The following NXPH1 variants were observed in gnomAD, a reference collection of about 807,000 sequenced individuals.
The protein encoded by NXPH1 is neurexophilin-1.
NXPH1 carries 5 observed loss-of-function variants against 23.7 expected under a neutral mutation model. The ratio of observed to expected loss-of-function variants is 0.21; its 90% CI spans 0.11 to 0.44. The LOEUF (loss-of-function observed/expected upper bound fraction) is 0.44. NXPH1 is among the 20% of genes least tolerant of loss of function. NXPH1 has a pLI of 0.99. For missense variants in NXPH1, 324 were observed against 321.6 expected (o/e 1.01, Z -0.06); for synonymous variants, 144 against 122.2 (o/e 1.18, Z -1.18).
chr7:8,703,219 C>T (rs556820161), intron 2 of NXPH1, among the ~76,000 whole-genome samples: 2 of 152,160 alleles, frequency 1.3e-5, no homozygotes, highest in Non-Finnish European at 2.9e-5. Context: ...AGTCCCAGCC[C>T]CTCCTGTGAA....
At chr7:8,461,176 C>T (rs1448816664) in intron 2 of NXPH1, among the ~76,000 whole-genome samples, 2 of 152,166 alleles carry the variant, frequency 1.3e-5, no homozygotes, top group African/African-American at 4.8e-5. Context: ...GAACCATGCC[C>T]CCTTGCATTC....
intron 2 of NXPH1, among the ~76,000 whole-genome samples, chr7:8,490,321 C>T (rs1817228086): frequency 6.6e-6 from 1 of 151,580 alleles, no homozygotes; most frequent in African/African-American, 2.4e-5. Context: ...AATTACTAGA[C>T]TAACTTAAAT....
intron 2 of NXPH1, among the ~76,000 whole-genome samples, chr7:8,727,037 G>A (rs1193940930): frequency 6.9e-6 from 1 of 145,808 alleles, no homozygotes; most frequent in Non-Finnish European, 1.5e-5. Flanking sequence ...TCTAACTGGT[G>A]TGAGATGGTA....
intron 2 of NXPH1, among the ~76,000 whole-genome samples, chr7:8,617,142 A>G (rs1328943341): frequency 6.6e-6 from 1 of 152,040 alleles, no homozygotes; most frequent in Admixed American, 6.6e-5. Context: ...GGATGCTGGA[A>G]ACCATCCTAC....
At chr7:8,717,861 C>T (rs958592352) in intron 2 of NXPH1, among the ~76,000 whole-genome samples, 10 of 149,576 alleles carry the variant, frequency 6.7e-5, no homozygotes, top group African/African-American at 2.5e-4. Flanking sequence ...AAAATAAAAA[C>T]TGGATCATGT....
At chr7:8,504,592 A>T (rs534065514) in intron 2 of NXPH1, among the ~76,000 whole-genome samples, 1 of 152,066 alleles carries the variant, frequency 6.6e-6, no homozygotes, top group African/African-American at 2.4e-5. Flanking sequence ...TAGTAAATGA[A>T]TGGAGAACAA....
intron 2 of NXPH1, among the ~76,000 whole-genome samples, chr7:8,617,935 C>T (rs570686253): frequency 3.3e-4 from 50 of 152,056 alleles, no homozygotes; most frequent in African/African-American, 1.1e-3. Context: ...TATGTACCCA[C>T]GACAATTAAA....
At chr7:8,577,362 T>A (rs1818774513) in intron 2 of NXPH1, among the ~76,000 whole-genome samples, 1 of 152,196 alleles carries the variant, frequency 6.6e-6, no homozygotes, top group Non-Finnish European at 1.5e-5. Flanking sequence ...TCTCCCACTA[T>A]CACTAACCTT....
intron 2 of NXPH1, among the ~76,000 whole-genome samples, chr7:8,732,231 G>A (rs896011008): frequency 1.3e-5 from 2 of 152,134 alleles, no homozygotes; most frequent in African/African-American, 4.8e-5. Flanking sequence ...ACTGACTTGC[G>A]CCCAGTGTCT....
intron 2 of NXPH1, among the ~76,000 whole-genome samples, chr7:8,637,153 T>G (rs190777232): frequency 6.6e-6 from 1 of 152,282 alleles, no homozygotes; most frequent in East Asian, 1.9e-4. Flanking sequence ...CCTTTGTCTT[T>G]TGTACAACTG....
chr7:8,485,916 G>A (rs2128610481), intron 2 of NXPH1, among the ~76,000 whole-genome samples: 1 of 152,170 alleles, frequency 6.6e-6, no homozygotes, highest in South Asian at 2.1e-4. Context: ...AACCATTTGT[G>A]GGTTAAACTT....
chr7:8,585,857 C>T (rs1222188107), intron 2 of NXPH1, among the ~76,000 whole-genome samples: 7 of 152,096 alleles, frequency 4.6e-5, no homozygotes, highest in Non-Finnish European at 7.4e-5. Context: ...ACATTTTTAT[C>T]GGGAGGGCTT....
At chr7:8,496,996 C>T (rs139305352) in intron 2 of NXPH1, among the ~76,000 whole-genome samples, 1,702 of 152,084 alleles carry the variant, frequency 0.011, 25 homozygotes, top group African/African-American at 0.038. Flanking sequence ...TTAGGTATAT[C>T]TCCTAATGCT....
chr7:8,474,091 A>G (rs1294983149), intron 2 of NXPH1, among the ~76,000 whole-genome samples: 2 of 152,174 alleles, frequency 1.3e-5, no homozygotes, highest in Non-Finnish European at 2.9e-5. Flanking sequence ...TAACAGCAAA[A>G]TATAACCTCG....
chr7:8,477,866 C>T (rs961210207), intron 2 of NXPH1, among the ~76,000 whole-genome samples: 1 of 152,068 alleles, frequency 6.6e-6, no homozygotes, highest in African/African-American at 2.4e-5. Context: ...GCTGATTGTC[C>T]AGGGACTTTA....
rs117660744 is a variant in NXPH1, at chr7:8,618,433, T to C, written c.55-132575T>C. Among the ~76,000 whole-genome samples the C allele has an allele frequency of 7.8e-3, 1,182 of 152,302 alleles. 13 individuals carry two copies. The highest frequency in any genetic ancestry group is 0.044 in the Middle Eastern group (13 of 294). On this transcript the variant is annotated intron_variant, in intron 2 of 2. Coordinates refer to ENST00000405863, the MANE Select transcript of NXPH1 (RefSeq NM_152745.3). The stretch of plus-strand genomic sequence containing the variant: ...CTGTGCTAAGAAAATCTTGGATGTT[T>C]AGCCAATGAGCGTAAAGGTAATTAA...
chr7:8,667,460 A>G (rs1324909304), intron 2 of NXPH1, among the ~76,000 whole-genome samples: 1 of 70,050 alleles, frequency 1.4e-5, no homozygotes, highest in African/African-American at 4.3e-5. Context: ...CTTGGTTGAC[A>G]GTTTTTTTTT....
At chr7:8,518,421 A>G (rs1817720898) in intron 2 of NXPH1, among the ~76,000 whole-genome samples, 1 of 152,174 alleles carries the variant, frequency 6.6e-6, no homozygotes, top group African/African-American at 2.4e-5. Flanking sequence ...AAATTATTAA[A>G]AAAGAAAATA....
At chr7:8,639,199 G>A (rs1239938945) in intron 2 of NXPH1, among the ~76,000 whole-genome samples, 1 of 152,094 alleles carries the variant, frequency 6.6e-6, no homozygotes, top group African/African-American at 2.4e-5. Context: ...AGTATTTTGA[G>A]ACTTCTGACC....
Sources: allele counts gnomAD v4.1 joint callset (sites outside exome capture counted in the v4.1 genomes callset), GRCh38; gene constraint gnomAD v4.1.1; transcripts MANE v1.5; gene names NCBI Gene and HGNC (gene_info 2026-07-23, HGNC 2026-07-21).